Variants in CD86 observed in about 807,000 individuals in gnomAD.
The protein encoded by CD86 is CD86 molecule.
CD86 carries 11 observed loss-of-function variants against 32.1 expected under a neutral mutation model. That is an observed-to-expected ratio of 0.34 (90% CI 0.22 to 0.57). The LOEUF is 0.57. CD86 is among the 20% of genes least tolerant of loss of function. The pLI is 0.86. For synonymous variants in CD86, 137 were observed against 135.3 expected (o/e 1.01, Z -0.09); for missense variants, 359 against 398.4 (o/e 0.90, Z 0.84).
At chr3:122,111,748 A>T (rs2073177859) in intron 5 of CD86, among the ~76,000 whole-genome samples, 1 of 152,244 alleles carries the variant, frequency 6.6e-6, no homozygotes, top group South Asian at 2.1e-4. Context: ...TGGAAACAGC[A>T]GATCCCTCCA....
At chr3:122,058,583 G>C (rs2072276816) in intron 1 of CD86, among the ~76,000 whole-genome samples, 1 of 152,072 alleles carries the variant, frequency 6.6e-6, no homozygotes, top group Non-Finnish European at 1.5e-5. Flanking sequence ...AGGTGCATGG[G>C]GGAATTTTAA....
intron 2 of CD86, among the ~76,000 whole-genome samples, chr3:122,096,832 G>A (rs147557251): frequency 1.3e-3 from 197 of 152,332 alleles, no homozygotes; most frequent in African/African-American, 4.6e-3. Context: ...GCATTACTTT[G>A]TATGGATGTA....
chr3:122,088,078 C>T (rs923088364), intron 1 of CD86, among the ~76,000 whole-genome samples: 1 of 151,992 alleles, frequency 6.6e-6, no homozygotes. Flanking sequence ...TCATGCCACC[C>T]CAGAAGAAAA....
At chr3:122,103,446 A>G (rs1422419960) in intron 2 of CD86, 66 bp from the exon 3 acceptor site, 1 of 1,024,662 alleles carries the variant, frequency 9.8e-7, no homozygotes, top group Admixed American at 2.3e-5. Flanking sequence ...TTGTATAAAG[A>G]GAAATGGAGG....
intron 6 of CD86, 122 bp from the exon 7 acceptor site, chr3:122,119,316 T>C: frequency 4.4e-6 from 3 of 684,492 alleles, no homozygotes; most frequent in Non-Finnish European, 5.3e-6. Context: ...TTCTCTTCAA[T>C]AGTTTGTTTC....
At chr3:122,085,699 C>A (rs2072705520) in intron 1 of CD86, among the ~76,000 whole-genome samples, 1 of 152,100 alleles carries the variant, frequency 6.6e-6, no homozygotes. Flanking sequence ...TGGCAGCAGC[C>A]AGTAATGGGG....
chr3:122,102,347 TTAAG>T (rs2073022793), intron 2 of CD86, among the ~76,000 whole-genome samples: 1 of 150,146 alleles, frequency 6.7e-6, no homozygotes, highest in Admixed American at 6.6e-5. Context: ...TAACTTCATA[TTAAG>T]TAAGAAACAG....
intron 1 of CD86, among the ~76,000 whole-genome samples, chr3:122,076,260 G>C (rs2072554358): frequency 6.6e-6 from 1 of 152,100 alleles, no homozygotes; most frequent in Non-Finnish European, 1.5e-5. Context: ...TGAAAGTTTG[G>C]GGAATACTAC....
In CD86 at chr3:122,106,459, A is replaced by G. The variant is rs751501506; in HGVS notation, c.662A>G (p.Glu221Gly). 2.5e-6 allele frequency: 4 copies of G among 1,612,592 alleles called. No individual in the cohort carries two copies. The African/African-American group carries it at 5.3e-5, about 22-fold the overall frequency. ...AATATGACCATCTTCTGTATTCTGG[A>G]AACTGACAAGACGCGGCTTTTATCT... ...TSNMTIFCIL[E>G]TDKTRLLSSP... Residue 221 changes from glutamate to glycine, a missense_variant, in exon 4 of 7, where the codon GAA (glutamate) becomes GGA (glycine). By Grantham distance (98) the Glu-to-Gly change is moderately conservative. Coordinates refer to ENST00000330540, the MANE Select transcript of CD86 (RefSeq NM_175862.5).
intron 2 of CD86, among the ~76,000 whole-genome samples, chr3:122,092,672 G>C (rs544472578): frequency 1.3e-5 from 2 of 152,112 alleles, no homozygotes; most frequent in Non-Finnish European, 2.9e-5. Flanking sequence ...ACCCCTTCCT[G>C]CTGCTCCTTG....
At chr3:122,079,792 C>T (rs1420082807) in intron 1 of CD86, among the ~76,000 whole-genome samples, 1 of 152,220 alleles carries the variant, frequency 6.6e-6, no homozygotes, top group Non-Finnish European at 1.5e-5. Flanking sequence ...CTCCCCATCA[C>T]GGCCCTGAGA....
intron 5 of CD86, among the ~76,000 whole-genome samples, chr3:122,116,008 C>G (rs773423052): frequency 6.6e-6 from 1 of 151,918 alleles, no homozygotes; most frequent in Admixed American, 6.6e-5. Flanking sequence ...TAGACACACA[C>G]AAAGTAACTT....
chr3:122,117,989 T>C, intron 5 of CD86, 59 bp from the exon 6 acceptor site: 2 of 1,461,066 alleles, frequency 1.4e-6, no homozygotes, highest in Middle Eastern at 1.7e-4. Flanking sequence ...TTTCAAACTT[T>C]CCTTCTTTTG....
rs779873440 is a variant in CD86 at position 122,119,557 on chromosome 3, G to A, written c.*23G>A. The A allele has an allele frequency of 1.7e-5, 24 of 1,430,890 alleles. No homozygotes were observed. In the Middle Eastern group the frequency reaches 7.0e-4, roughly 41 times the overall value. The allele number at this position is 1,430,890 out of a possible 1,614,324, so 88.6% of individuals were successfully genotyped here. A position where few individuals can be genotyped will look rare whatever the true frequency, so the allele number is the denominator to read the frequency against. The stretch of plus-strand genomic sequence containing the variant: ...TAATTAAAGAGTAAAGCCCATACAA[G>A]TATTCATTTTTTCTACCCTTTCCTT... On this transcript the variant is annotated 3_prime_UTR_variant, in exon 7 of 7. Coordinates refer to ENST00000330540, the MANE Select transcript of CD86 (RefSeq NM_175862.5).
chr3:122,077,820 G>A (rs1347745672), intron 1 of CD86: 1 of 985,408 alleles, frequency 1.0e-6, no homozygotes, highest in East Asian at 1.1e-4. Flanking sequence ...CACTGTCCCT[G>A]GCTGTGGTGT....
chr3:122,095,813 C>A (rs2072898566), intron 2 of CD86, among the ~76,000 whole-genome samples: 1 of 151,972 alleles, frequency 6.6e-6, no homozygotes, highest in Admixed American at 6.6e-5. Context: ...TTCAGGAGGG[C>A]TTTTAGTGGG....
intron 2 of CD86, among the ~76,000 whole-genome samples, chr3:122,095,683 C>G (rs2072896894): frequency 6.6e-6 from 1 of 152,142 alleles, no homozygotes; most frequent in South Asian, 2.1e-4. Flanking sequence ...AAAGAATTGT[C>G]ATGGAGCCTA....
intron 1 of CD86, among the ~76,000 whole-genome samples, chr3:122,069,586 A>G (rs1280153619): frequency 6.6e-6 from 1 of 152,144 alleles, no homozygotes; most frequent in Non-Finnish European, 1.5e-5. Context: ...TTTAGTGTCC[A>G]TGTCCATGGG....
chr3:122,063,238 A>C (rs1219177176), intron 1 of CD86, among the ~76,000 whole-genome samples: 3 of 152,186 alleles, frequency 2.0e-5, no homozygotes, highest in Non-Finnish European at 4.4e-5. Context: ...CTGTATTCAA[A>C]CTTACACTTC....
Sources: allele counts gnomAD v4.1 joint callset (sites outside exome capture counted in the v4.1 genomes callset), GRCh38; gene constraint gnomAD v4.1.1; transcripts MANE v1.5; gene names NCBI Gene and HGNC (gene_info 2026-07-23, HGNC 2026-07-21).